Variants in RBPJ observed in about 807,000 individuals in gnomAD.
RBPJ encodes the protein recombination signal binding protein for immunoglobulin kappa J region.
In RBPJ, 9 loss-of-function variants were observed where a neutral mutation model predicts 67.8. The observed-to-expected ratio is 0.13, with a 90% CI of 0.08 to 0.23. RBPJ has a LOEUF of 0.23. Ranked by LOEUF, RBPJ falls within the 10% of genes least tolerant of loss-of-function variation. The probability of loss-of-function intolerance (pLI) is 1.00; values close to 1 mark genes in which losing one functional copy is unlikely to be tolerated. For missense variants in RBPJ, 305 were observed against 595.6 expected (o/e 0.51, Z 5.08); for synonymous variants, 198 against 203.3 (o/e 0.97, Z 0.22).
At chr4:26,415,418 T>C in intron 3 of RBPJ, 57 bp from the exon 4 acceptor site, 2 of 1,319,182 alleles carry the variant, frequency 1.5e-6, no homozygotes, top group East Asian at 4.7e-5. Flanking sequence ...GGAAATGCTT[T>C]ATTGAATCTA....
At chr4:26,263,823 G>A (rs1720620890) in intron 1 of RBPJ, among the ~76,000 whole-genome samples, 1 of 151,326 alleles carries the variant, frequency 6.6e-6, no homozygotes, top group African/African-American at 2.4e-5. Context: ...GCCCACCTCA[G>A]TCTCCCAAAG....
At chr4:26,403,317 T>G (rs1733047596) in intron 2 of RBPJ, among the ~76,000 whole-genome samples, 1 of 152,126 alleles carries the variant, frequency 6.6e-6, no homozygotes, top group South Asian at 2.1e-4. Context: ...CTTAAAGGTT[T>G]AATCATAATG....
chr4:26,224,017 A>G (rs1327880921), intron 1 of RBPJ, among the ~76,000 whole-genome samples: 1 of 152,228 alleles, frequency 6.6e-6, no homozygotes, highest in African/African-American at 2.4e-5. Flanking sequence ...CAAGATTAAT[A>G]GCTAAGATAA....
intron 1 of RBPJ, among the ~76,000 whole-genome samples, chr4:26,324,766 G>C (rs992952274): frequency 3.3e-5 from 5 of 152,032 alleles, no homozygotes; most frequent in Admixed American, 6.6e-5. Context: ...TGACCTCAAG[G>C]GATCTGCCCA....
At chr4:26,224,321 C>T (rs1577491138) in intron 1 of RBPJ, among the ~76,000 whole-genome samples, 2 of 152,176 alleles carry the variant, frequency 1.3e-5, no homozygotes, top group South Asian at 4.2e-4. Context: ...CCTCTGCCTC[C>T]CAGGTTCAAG....
At chr4:26,182,661 T>G (rs537086434) in intron 1 of RBPJ, among the ~76,000 whole-genome samples, 2 of 151,508 alleles carry the variant, frequency 1.3e-5, no homozygotes, top group African/African-American at 4.8e-5. Flanking sequence ...ATCTGGCTAA[T>G]TTTTTAATTT....
At chr4:26,265,423 G>T (rs906121486) in intron 1 of RBPJ, among the ~76,000 whole-genome samples, 11 of 152,004 alleles carry the variant, frequency 7.2e-5, no homozygotes, top group African/African-American at 2.4e-4. Flanking sequence ...CAGCTACTCG[G>T]GAGGCTGAGG....
At chr4:26,165,971 G>T (rs1029169357) in intron 1 of RBPJ, among the ~76,000 whole-genome samples, 2 of 149,976 alleles carry the variant, frequency 1.3e-5, no homozygotes, top group South Asian at 4.2e-4. Flanking sequence ...GCGGTGTTTG[G>T]TTTTTTTGTC....
intron 1 of RBPJ, among the ~76,000 whole-genome samples, chr4:26,335,475 C>T (rs932339840): frequency 7.9e-5 from 12 of 151,776 alleles, no homozygotes; most frequent in East Asian, 2.0e-4. Flanking sequence ...CCACCGTGCC[C>T]GGCCTGCATC....
intron 1 of RBPJ, among the ~76,000 whole-genome samples, chr4:26,300,244 G>T (rs569622486): frequency 2.6e-4 from 39 of 152,082 alleles, no homozygotes; most frequent in South Asian, 1.7e-3. Context: ...TGTGTGTATG[G>T]GCAGGGGTGG....
In RBPJ at chr4:26,293,084, A is replaced by C. The variant is rs1721726288; in HGVS notation, c.-166-69362A>C. ...GTACAGGGAGGGGAGTGAGAATGGG[A>C]GAGTAGGCTGGAAAGGTAAGCAGAA... On this transcript the variant is annotated intron_variant, in intron 1 of 4. Coordinates refer to the RBPJ transcript ENST00000512351. Among the ~76,000 whole-genome samples, 2 of 150,300 alleles carry C rather than the reference A, an allele frequency of 1.3e-5. 1 individual carries two copies. Among genetic ancestry groups the C allele is most frequent in the South Asian group, 4.2e-4 (2 of 4,768 alleles).
intron 1 of RBPJ, among the ~76,000 whole-genome samples, chr4:26,285,137 G>A (rs1268249389): frequency 6.6e-6 from 1 of 152,128 alleles, no homozygotes; most frequent in Non-Finnish European, 1.5e-5. Context: ...TTACAGGTGT[G>A]AGCCACCACA....
chr4:26,282,123 CCT>C (rs139172060), intron 1 of RBPJ, among the ~76,000 whole-genome samples: 1,886 of 118,824 alleles, frequency 0.016, 193 homozygotes, highest in Middle Eastern at 0.048. Context: ...CATTCGTAAT[CCT>C]CTCTCTCTCT....
At chr4:26,309,218 T>C (rs1444450261) in intron 1 of RBPJ, among the ~76,000 whole-genome samples, 2 of 152,108 alleles carry the variant, frequency 1.3e-5, no homozygotes, top group Non-Finnish European at 2.9e-5. Context: ...GGTTGTCCTA[T>C]GTTGCCCAGG....
chr4:26,138,308 G>C, the RBPJ span, among the ~76,000 whole-genome samples: 1 of 151,720 alleles, frequency 6.6e-6, no homozygotes, highest in African/African-American at 2.4e-5. Context: ...AGGATGCCTG[G>C]TTACATCAAT....
intron 2 of RBPJ, among the ~76,000 whole-genome samples, chr4:26,401,363 G>A (rs1035833316): frequency 6.6e-6 from 1 of 152,214 alleles, no homozygotes; most frequent in Non-Finnish European, 1.5e-5. Context: ...TCACTCTTCA[G>A]TATCATCTTG....
At chr4:26,282,981 A>C (rs1577386819) in intron 1 of RBPJ, among the ~76,000 whole-genome samples, 1 of 111,454 alleles carries the variant, frequency 9.0e-6, no homozygotes, top group Non-Finnish European at 1.6e-5. Flanking sequence ...CCCAGGCTGG[A>C]GTGCAGTGGC....
At chr4:26,124,462 A>ATATATATACC in the RBPJ span, among the ~76,000 whole-genome samples, 1 of 107,956 alleles carries the variant, frequency 9.3e-6, no homozygotes, top group African/African-American at 3.5e-5. Context: ...ATATATATAT[A>ATATATATACC]CCAGTTTCTT....
At chr4:26,176,327 C>T (rs930954513) in intron 1 of RBPJ, among the ~76,000 whole-genome samples, 4 of 152,180 alleles carry the variant, frequency 2.6e-5, no homozygotes, top group South Asian at 4.2e-4. Flanking sequence ...AGAGCGGAGA[C>T]GGGATTTTCA....
Sources: gnomAD v4.1 joint callset for allele counts (sites outside exome capture counted in the v4.1 genomes callset) on GRCh38, gnomAD v4.1.1 for gene constraint, MANE v1.5 for transcripts, NCBI Gene and HGNC (gene_info 2026-07-23, HGNC 2026-07-21) for gene names.